TMC5: variants seen among roughly 807,000 people sequenced by gnomAD.
The protein encoded by TMC5 is transmembrane channel-like protein 5.
Under a neutral mutation model 110.5 loss-of-function variants are expected in TMC5, and 86 were observed. The ratio of observed to expected loss-of-function variants is 0.78; its 90% CI spans 0.65 to 0.93. The LOEUF (loss-of-function observed/expected upper bound fraction) is 0.93, where lower values mean the gene tolerates loss of function less well. TMC5 is among the 40% of genes least tolerant of loss of function. The pLI is 0.00. For synonymous variants in TMC5, 455 were observed against 439.5 expected (o/e 1.04, Z -0.44); for missense variants, 1,144 against 1,222.8 (o/e 0.94, Z 0.96).
At chr16:19,457,160 TAAGAG>T in intron 5 of TMC5, 1 of 680,402 alleles carries the variant, frequency 1.5e-6, no homozygotes, top group Non-Finnish European at 2.4e-6. Context: ...GAGGCCAAGA[TAAGAG>T]GAACACTTGA....
At chr16:19,473,161 C>A (rs755844678) in intron 11 of TMC5, among the ~76,000 whole-genome samples, 15 of 151,854 alleles carry the variant, frequency 9.9e-5, no homozygotes, top group Non-Finnish European at 2.1e-4. Flanking sequence ...GCCTGGCCAA[C>A]ATGGTGAAAC....
At chr16:19,422,680 G>A (rs1442702398) in intron 1 of TMC5, among the ~76,000 whole-genome samples, 1 of 152,082 alleles carries the variant, frequency 6.6e-6, no homozygotes, top group Admixed American at 6.6e-5. Context: ...TTAAAAATAG[G>A]CCGGGCCCAG....
intron 6 of TMC5, among the ~76,000 whole-genome samples, chr16:19,462,890 G>A (rs1373512377): frequency 2.1e-5 from 3 of 142,464 alleles, no homozygotes; most frequent in Non-Finnish European, 4.5e-5. Flanking sequence ...AGAGTGAGAC[G>A]CCATCTCAAA....
chr16:19,466,925 A>G (rs1444169703), intron 9 of TMC5, among the ~76,000 whole-genome samples: 1 of 152,100 alleles, frequency 6.6e-6, no homozygotes, highest in Non-Finnish European at 1.5e-5. Flanking sequence ...CAGGCTGATC[A>G]CTTGAGTCCA....
At chr16:19,424,512 G>A (rs1000900217) in intron 1 of TMC5, among the ~76,000 whole-genome samples, 9 of 152,070 alleles carry the variant, frequency 5.9e-5, no homozygotes, top group Admixed American at 6.6e-5. Flanking sequence ...AGACGGGCAC[G>A]GTGGCGGACC....
chr16:19,487,411 G>A, intron 17 of TMC5, 85 bp downstream of exon 17: 3 of 1,513,566 alleles, frequency 2.0e-6, no homozygotes, highest in Non-Finnish European at 2.7e-6. Flanking sequence ...TATAATTCAG[G>A]TGTGGTGAGG....
intron 10 of TMC5, among the ~76,000 whole-genome samples, chr16:19,470,472 C>G (rs533296636): frequency 6.6e-6 from 1 of 152,258 alleles, no homozygotes; most frequent in East Asian, 1.9e-4. Flanking sequence ...CAGGCGTGAG[C>G]CAGCCAAGGC....
rs930311316 is a variant in TMC5 at position 19,461,005 on chromosome 16, T to C, written c.1148+671T>C. Among the ~76,000 whole-genome samples the C allele has an allele frequency of 2.0e-5, 3 of 151,538 alleles. No homozygotes were observed. In the East Asian group the frequency reaches 5.8e-4, roughly 29 times the overall value. ...ACTCCATCTTTACAAAAAATGAAAATTAAAAAAGAGAGACATGACAAGTAA... is the reference window on the plus strand; with the variant it reads ...ACTCCATCTTTACAAAAAATGAAAACTAAAAAAGAGAGACATGACAAGTAA... On this transcript the variant is annotated intron_variant, in intron 6 of 21. Transcript: ENST00000542583.
chr16:19,425,550 G>C (rs954730798), intron 1 of TMC5, among the ~76,000 whole-genome samples: 4 of 152,068 alleles, frequency 2.6e-5, no homozygotes, highest in African/African-American at 9.7e-5. Context: ...TTGTTGGGTG[G>C]TATAATTTGG....
chr16:19,417,284 T>C (rs1966884223), upstream of TMC5, among the ~76,000 whole-genome samples: 4 of 151,440 alleles, frequency 2.6e-5, no homozygotes, highest in African/African-American at 9.7e-5. Context: ...TCAGGCATGA[T>C]GGCTTGCACC....
At chr16:19,491,455 C>A (rs1450573297) in intron 18 of TMC5, among the ~76,000 whole-genome samples, 1 of 151,750 alleles carries the variant, frequency 6.6e-6, no homozygotes, top group African/African-American at 2.4e-5. Context: ...CACTGCACTC[C>A]AGCCTGGGCA....
chr16:19,491,902 G>A (rs549738972), intron 18 of TMC5, among the ~76,000 whole-genome samples: 3 of 152,204 alleles, frequency 2.0e-5, no homozygotes, highest in Non-Finnish European at 4.4e-5. Context: ...TCCTCTTAAG[G>A]AGATGACATG....
upstream of TMC5, among the ~76,000 whole-genome samples, chr16:19,416,570 T>A (rs1007354961): frequency 1.6e-4 from 25 of 152,180 alleles, no homozygotes; most frequent in Admixed American, 1.2e-3. Flanking sequence ...TGTATATAGT[T>A]CCCACTTTGT....
At chr16:19,457,613 C>T (rs774299729) in intron 5 of TMC5, among the ~76,000 whole-genome samples, 4 of 148,102 alleles carry the variant, frequency 2.7e-5, no homozygotes, top group Non-Finnish European at 6.0e-5. Context: ...GTGGCATTTC[C>T]GTTTGCTTGA....
At chr16:19,462,943 T>C (rs1222112470) in intron 6 of TMC5, among the ~76,000 whole-genome samples, 1 of 151,578 alleles carries the variant, frequency 6.6e-6, no homozygotes, top group Admixed American at 6.6e-5. Context: ...GAGGTCTCGT[T>C]CAGTTGCCCA....
At chr16:19,487,820 T>C (rs1450927840) in intron 17 of TMC5, 1 of 152,164 alleles carries the variant, frequency 6.6e-6, no homozygotes, top group Admixed American at 6.5e-5. Context: ...AGTTTATTAC[T>C]CACAGTTCCT....
chr16:19,456,360 G>A, intron 5 of TMC5: 1 of 709,444 alleles, frequency 1.4e-6, no homozygotes, highest in Non-Finnish European at 1.8e-6. Flanking sequence ...TTGACTATGA[G>A]TCATTTAGAA....
chr16:19,419,155 C>A (rs1162826805), intron 1 of TMC5, among the ~76,000 whole-genome samples: 1 of 152,100 alleles, frequency 6.6e-6, no homozygotes, highest in East Asian at 1.9e-4. Context: ...CTCTCTGGGT[C>A]TCAATGTAAT....
Position 19,440,170 on chromosome 16 carries a change from T to C in TMC5, c.132T>C (p.Asn44=). ...GYPDVPGPLN[N]PDYPGTRSNP... ...CAGATGTTCCAGGTCCTCTGAACAA[T>C]CCAGACTACCCCGGCACCAGGAGCA... The change falls in exon 3 of 22, where the codon AAT becomes AAC. Residue 44 remains asparagine (N), a synonymous_variant. Coordinates refer to ENST00000542583, the MANE Select transcript of TMC5 (RefSeq NM_001261841.2). The C allele has an allele frequency of 6.2e-7, 1 of 1,614,136 alleles. No individual in the cohort carries two copies. Among genetic ancestry groups the C allele is most frequent in the South Asian group, 1.1e-5 (1 of 91,072 alleles).
Sources: allele counts gnomAD v4.1 joint callset (sites outside exome capture counted in the v4.1 genomes callset), GRCh38; gene constraint gnomAD v4.1.1; transcripts MANE v1.5; gene names NCBI Gene and HGNC (gene_info 2026-07-23, HGNC 2026-07-21).